TTC9B: variants seen among roughly 807,000 people sequenced by gnomAD.
The protein encoded by TTC9B is tetratricopeptide repeat protein 9B.
TTC9B carries 12 observed loss-of-function variants against 19.4 expected under a neutral mutation model. The observed-to-expected ratio is 0.62, with a 90% CI of 0.40 to 1.00. The LOEUF is 1.00. Among genes scored for constraint, TTC9B ranks in the 50% least tolerant of loss-of-function variants. TTC9B has a pLI of 0.00. For synonymous variants in TTC9B, 156 were observed against 158.6 expected, an observed-to-expected ratio of 0.98 and a Z score of 0.12; for missense variants, 316 against 345.2, an observed-to-expected ratio of 0.92 and a Z score of 0.67.
chr19:40,217,930 A>AACCCC, intron 1 of TTC9B, 25 bp downstream of exon 1: 1 of 702,572 alleles, frequency 1.4e-6, no homozygotes. Flanking sequence ...CTCGTGCCCC[A>AACCCC]TCCCCCCACC....
chr19:40,216,200 C>T lies in TTC9B; in HGVS notation c.683G>A (p.Ser228Asn). The change falls in exon 3 of 3, where the codon AGT becomes AAT. Residue 228 changes from serine to asparagine, a missense_variant. Physicochemically the swap from Ser to Asn is conservative, Grantham distance 46. Transcript: ENST00000311308. ...ATCCCGAGTCTGGGACCCAGCCCCA[C>T]TGTCTTCCCGCTGGAGGCTGCAACG... is the stretch of plus-strand genomic sequence containing the variant. Reference protein sequence around the residue: ...MNRCSLQREDSGAGSQTRDVI... With the variant: ...MNRCSLQREDNGAGSQTRDVI... 6.2e-7 allele frequency: 1 copy of T among 1,614,242 alleles called. No individual in the cohort carries two copies. Among genetic ancestry groups the T allele is most frequent in the South Asian group, 1.1e-5 (1 of 91,084 alleles).
Position 40,218,020 on chromosome 19 carries a change from C to G in TTC9B, c.362G>C (p.Arg121Pro), listed in dbSNP as rs868160570. The G allele has an allele frequency of 1.3e-6, 2 of 1,486,810 alleles. No individual in the cohort carries two copies. The highest frequency in any genetic ancestry group is 1.8e-6 in the Non-Finnish European group (2 of 1,122,918). The allele number at this position is 1,486,810 out of a possible 1,614,324, so 92.1% of individuals were successfully genotyped here. Residue 121 changes from arginine (R) to proline (P), a missense_variant, in exon 1 of 3, where the codon CGC (arginine) becomes CCC (proline). Coordinates refer to ENST00000311308, the MANE Select transcript of TTC9B (RefSeq NM_152479.6). This position sits in a 1 kb window ranked among gnomAD's most constrained non-coding sequence, Gnocchi z 4.2. ...PGPTSSPGPA[R>P]LSEEQRRLVE... ...CAGGCGCCGCTGCTCCTCGCTGAGG[C>G]GCGCCGGCCCGGGGCTGCTGGTGGG...
Position 40,216,074 on chromosome 19 carries a change from C to T in TTC9B, c.*89G>A. The T allele has an allele frequency of 9.3e-7, 1 of 1,074,726 alleles. No individual in the cohort carries two copies. The highest frequency in any genetic ancestry group is 1.4e-6 in the Non-Finnish European group (1 of 697,336). 66.6% of individuals were successfully genotyped at this position (1,074,726 alleles called of 1,614,324 possible). On this transcript the variant is annotated 3_prime_UTR_variant, in exon 3 of 3. Transcript: ENST00000311308. ...CCACACAAGTTATGATCACCAGTGA[C>T]AAGTGTTTTACCAACAAACACATGA...
chr19:40,218,016 G>C lies in TTC9B; in HGVS notation c.366C>G (p.Leu122=). Residue 122 remains leucine (L), a synonymous_variant, in exon 1 of 3, where the codon CTC becomes CTG. Transcript: ENST00000311308. The surrounding 1 kb of genome is among the most constrained non-coding windows in gnomAD (Gnocchi z 4.2). The part of the protein sequence containing the change: ...GPTSSPGPAR[L]SEEQRRLVES... ...CCACCAGGCGCCGCTGCTCCTCGCT[G>C]AGGCGCGCCGGCCCGGGGCTGCTGG... 1 of 1,489,416 alleles carries C rather than the reference G, an allele frequency of 6.7e-7. No homozygotes were observed. Among genetic ancestry groups the C allele is most frequent in the Non-Finnish European group, 8.9e-7 (1 of 1,124,396 alleles). The allele number at this position is 1,489,416 out of a possible 1,614,324, so 92.3% of individuals were successfully genotyped here.
In TTC9B at chr19:40,218,263, C is replaced by T. The variant is rs760877634; in HGVS notation, c.119G>A (p.Gly40Asp). The T allele has an allele frequency of 2.7e-6, 4 of 1,488,120 alleles. No individual in the cohort carries two copies. The highest frequency in any genetic ancestry group is 1.3e-5 in the South Asian group (1 of 77,212). The allele number at this position is 1,488,120 out of a possible 1,614,324, so 92.2% of individuals were successfully genotyped here. ...TGGGGTAGGACCGGGACGAGCCGAG[C>T]CATGGCGGGAGCCCGAGCCTGGGCC... ...GSGPGSGSRH[G>D]SARPGPTPEP... Residue 40 changes from glycine to aspartate, a missense_variant, in exon 1 of 3, where the codon GGC becomes GAC. By Grantham distance (94) the Gly-to-Asp change is moderately conservative. Coordinates refer to ENST00000311308, the MANE Select transcript of TTC9B (RefSeq NM_152479.6). The surrounding 1 kb of genome is among the most constrained non-coding windows in gnomAD (Gnocchi z 4.2).
rs1385581860 is a variant in TTC9B at position 40,217,324 on chromosome 19, T to G, written c.473A>C (p.Glu158Ala). Residue 158 changes from glutamate (E) to alanine (A), a missense_variant, in exon 2 of 3, where the codon GAG (glutamate) becomes GCG (alanine). Coordinates refer to ENST00000311308, the MANE Select transcript of TTC9B (RefSeq NM_152479.6). ...SELVNYERVREYCLKVLEKQQ... is the reference protein window; with the variant it reads ...SELVNYERVRAYCLKVLEKQQ... ...CTTCTCCAGTACCTTGAGACAGTAC[T>G]CGCGCACGCGCTCGTAGTTTACCAG... 1 of 1,613,828 alleles carries G rather than the reference T, an allele frequency of 6.2e-7. No homozygotes were observed. The highest frequency in any genetic ancestry group is 1.3e-5 in the African/African-American group (1 of 74,926).
intron 2 of TTC9B, 61 bp from the exon 3 acceptor site, chr19:40,216,333 C>A: frequency 7.6e-7 from 1 of 1,308,084 alleles, no homozygotes; most frequent in Non-Finnish European, 1.1e-6. Context: ...GACTTCCACA[C>A]CTCCCTGGCT....
At chr19:40,216,461 C>T (rs1257243842) in intron 2 of TTC9B, 189 bp from the exon 3 acceptor site, 1 of 574,754 alleles carries the variant, frequency 1.7e-6, no homozygotes, top group African/African-American at 1.9e-5. Flanking sequence ...CCATCGCACA[C>T]CTCTGTGCGC....
chr19:40,217,631 G>A, intron 1 of TTC9B: 1 of 530,574 alleles, frequency 1.9e-6, no homozygotes, highest in Non-Finnish European at 3.3e-6. Flanking sequence ...GCGGGGGCGA[G>A]GGCCGGGACC....
chr19:40,218,231 A>G lies in TTC9B; in HGVS notation c.151T>C (p.Ser51Pro). The G allele has an allele frequency of 6.4e-7, 1 of 1,553,962 alleles. No individual in the cohort carries two copies. Among genetic ancestry groups the G allele is most frequent in the South Asian group, 1.2e-5 (1 of 84,294 alleles). The part of the protein sequence containing the change: ...SARPGPTPEP[S>P]GSLGAALDSS... The stretch of plus-strand genomic sequence containing the variant: ...TCGAGCGCCGCGCCCAGGCTCCCCG[A>G]CGGCTCTGGGGTAGGACCGGGACGA... Residue 51 changes from serine (S) to proline (P), a missense_variant, in exon 1 of 3, where the codon TCG (serine) becomes CCG (proline). Ser to Pro is a moderately conservative substitution (Grantham distance 74, BLOSUM62 -1). Coordinates refer to ENST00000311308, the MANE Select transcript of TTC9B (RefSeq NM_152479.6). The surrounding 1 kb of genome is among the most constrained non-coding windows in gnomAD (Gnocchi z 4.2).
Position 40,216,291 on chromosome 19 carries a change from G to A in TTC9B, c.611-19C>T, listed in dbSNP as rs368435277. 6.2e-7 allele frequency: 1 copy of A among 1,605,604 alleles called. No individual in the cohort carries two copies. The highest frequency in any genetic ancestry group is 1.3e-5 in the African/African-American group (1 of 74,884). ...TTGGTGTCTGCAGGGGAGGTGGGCA[G>A]GGCATCATCTGGGTGTCCCGGGGCA... On this transcript the variant is annotated intron_variant, in intron 2 of 2. Transcript: ENST00000311308.
intron 1 of TTC9B, 56 bp downstream of exon 1, chr19:40,217,899 C>T (rs1973391763): frequency 2.2e-6 from 3 of 1,361,558 alleles, no homozygotes; most frequent in South Asian, 2.9e-5. Flanking sequence ...AGTCGCCAAG[C>T]TCTCCCGATT....
chr19:40,217,741 C>G, intron 1 of TTC9B: 1 of 542,688 alleles, frequency 1.8e-6, no homozygotes, highest in Non-Finnish European at 3.1e-6. Flanking sequence ...GAATACCCGA[C>G]CCAAAGACCA....
rs1973363640 is a variant in TTC9B at position 40,216,288 on chromosome 19, G to A, written c.611-16C>T. 2 of 1,608,038 alleles carry A rather than the reference G, an allele frequency of 1.2e-6. No individual in the cohort carries two copies. The highest frequency in any genetic ancestry group is 1.3e-5 in the African/African-American group (1 of 74,798). On this transcript the variant is annotated splice_polypyrimidine_tract_variant and intron_variant, in intron 2 of 2. Coordinates refer to ENST00000311308, the MANE Select transcript of TTC9B (RefSeq NM_152479.6). ...ACATTGGTGTCTGCAGGGGAGGTGG[G>A]CAGGGCATCATCTGGGTGTCCCGGG...
intron 1 of TTC9B, 33 bp downstream of exon 1, chr19:40,217,922 C>CCG: frequency 1.0e-5 from 13 of 1,304,534 alleles, no homozygotes; most frequent in African/African-American, 3.2e-5. Context: ...CCCCTCCCCT[C>CCG]GTGCCCCATC....
At position 40,218,254 on chromosome 19, in the gene TTC9B, C is replaced by A; in HGVS notation, c.128G>T (p.Arg43Leu). Residue 43 changes from arginine (R) to leucine (L), a missense_variant, in exon 1 of 3, where the codon CGT becomes CTT. Physicochemically the swap from Arg to Leu is moderately radical, Grantham distance 102. Coordinates refer to ENST00000311308, the MANE Select transcript of TTC9B (RefSeq NM_152479.6). The surrounding 1 kb of genome is among the most constrained non-coding windows in gnomAD (Gnocchi z 4.2). Reference sequence around the variant, plus strand: ...CGACGGCTCTGGGGTAGGACCGGGACGAGCCGAGCCATGGCGGGAGCCCGA... The same window carrying A: ...CGACGGCTCTGGGGTAGGACCGGGAAGAGCCGAGCCATGGCGGGAGCCCGA... ...PGSGSRHGSARPGPTPEPSGS... is the reference protein window; with the variant it reads ...PGSGSRHGSALPGPTPEPSGS... 6.8e-7 allele frequency: 1 copy of A among 1,479,252 alleles called. No individual in the cohort carries two copies. Among genetic ancestry groups the A allele is most frequent in the Non-Finnish European group, 8.9e-7 (1 of 1,122,324 alleles). The allele number at this position is 1,479,252 out of a possible 1,614,324, so 91.6% of individuals were successfully genotyped here.
intron 2 of TTC9B, 196 bp downstream of exon 2, chr19:40,216,991 G>C: frequency 1.6e-6 from 1 of 614,630 alleles, no homozygotes; most frequent in East Asian, 2.8e-5. Context: ...TGTTTGAATG[G>C]CGGGTGAAGG....
chr19:40,217,678 G>A, intron 1 of TTC9B: 1 of 514,096 alleles, frequency 1.9e-6, no homozygotes, highest in Non-Finnish European at 3.4e-6. Context: ...CCTCACCTTG[G>A]GTCCACGTGC....
chr19:40,217,042 G>T, intron 2 of TTC9B, 145 bp downstream of exon 2: 1 of 843,000 alleles, frequency 1.2e-6, no homozygotes, highest in Non-Finnish European at 1.8e-6. Context: ...TAGGGAGTAG[G>T]TGGGTGGCGC....
Sources: gnomAD v4.1 joint callset for allele counts on GRCh38, gnomAD v4.1.1 for gene constraint, Gnocchi (gnomAD v3.1) non-coding constraint, MANE v1.5 for transcripts, NCBI Gene and HGNC (gene_info 2026-07-23, HGNC 2026-07-21) for gene names.